DACH1: variants seen among roughly 807,000 people sequenced by gnomAD.
The protein encoded by DACH1 is dachshund homolog 1.
In DACH1, 12 loss-of-function variants were observed where a neutral mutation model predicts 54.2. The observed-to-expected ratio is 0.22, with a 90% CI of 0.14 to 0.36. The LOEUF is 0.36. Ranked by LOEUF, DACH1 falls within the 10% of genes least tolerant of loss-of-function variation. The probability of loss-of-function intolerance (pLI) is 1.00; values close to 1 mark genes in which losing one functional copy is unlikely to be tolerated. For synonymous variants in DACH1, 386 were observed against 366.2 expected (o/e 1.05, Z -0.62); for missense variants, 805 against 929.8 (o/e 0.87, Z 1.75).
intron 6 of DACH1, among the ~76,000 whole-genome samples, chr13:71,538,317 G>C (rs1882931357): frequency 6.6e-6 from 1 of 151,794 alleles, no homozygotes; most frequent in Admixed American, 6.6e-5. Flanking sequence ...ATACATTAGG[G>C]TAGATAATCC....
chr13:71,832,814 T>C (rs1021438559), intron 1 of DACH1, among the ~76,000 whole-genome samples: 1 of 151,936 alleles, frequency 6.6e-6, no homozygotes, highest in Admixed American at 6.6e-5. Context: ...TCATTTCAAT[T>C]GTATTTAAGT....
intron 6 of DACH1, among the ~76,000 whole-genome samples, chr13:71,552,549 G>T (rs906309875): frequency 6.6e-6 from 1 of 151,490 alleles, no homozygotes; most frequent in Non-Finnish European, 1.5e-5. Context: ...GCATGAGAGA[G>T]CAACACTGTA....
intron 1 of DACH1, among the ~76,000 whole-genome samples, chr13:71,692,339 C>T (rs182878622): frequency 2.6e-5 from 4 of 151,908 alleles, no homozygotes; most frequent in Non-Finnish European, 4.4e-5. Context: ...TAGTTTTATA[C>T]GTCAAATCTT....
At chr13:71,737,027 G>C (rs1772130017) in intron 1 of DACH1, among the ~76,000 whole-genome samples, 1 of 152,106 alleles carries the variant, frequency 6.6e-6, no homozygotes, top group African/African-American at 2.4e-5. Flanking sequence ...GAGGTGGGCG[G>C]ATGACTAGAG....
At chr13:71,639,339 G>A (rs1024481936) in intron 2 of DACH1, among the ~76,000 whole-genome samples, 10 of 152,098 alleles carry the variant, frequency 6.6e-5, no homozygotes, top group Non-Finnish European at 8.8e-5. Context: ...TTTTGAGTGT[G>A]AACTTTTCTC....
intron 3 of DACH1, among the ~76,000 whole-genome samples, chr13:71,587,841 AC>A (rs1873394287): frequency 6.6e-6 from 1 of 152,150 alleles, no homozygotes. Flanking sequence ...TCCCAGATCT[AC>A]AAAAGAATAA....
chr13:71,841,412 T>C (rs1001810885), intron 1 of DACH1, among the ~76,000 whole-genome samples: 5 of 152,160 alleles, frequency 3.3e-5, no homozygotes. Context: ...CTACCTATTT[T>C]CTAATAAGGA....
intron 1 of DACH1, among the ~76,000 whole-genome samples, chr13:71,696,458 GC>G (rs1355412795): frequency 1.3e-5 from 2 of 152,056 alleles, no homozygotes; most frequent in Admixed American, 6.5e-5. Context: ...AAAAGTCCAT[GC>G]TAAATTGCCA....
chr13:71,737,445 A>T (rs1884187288), intron 1 of DACH1, among the ~76,000 whole-genome samples: 1 of 152,224 alleles, frequency 6.6e-6, no homozygotes, highest in Non-Finnish European at 1.5e-5. Flanking sequence ...AAAGCACTAA[A>T]GCCACAGAAC....
intron 3 of DACH1, among the ~76,000 whole-genome samples, chr13:71,583,074 T>C (rs771002000): frequency 7.9e-5 from 12 of 152,188 alleles, no homozygotes; most frequent in Non-Finnish European, 1.5e-4. Context: ...AATATCAATC[T>C]TCATAGGCAA....
chr13:71,557,102 C>A lies in DACH1; in HGVS notation c.1492G>T (p.Val498Leu), dbSNP rs374225059. 6.2e-7 allele frequency: 1 copy of A among 1,612,194 alleles called. No individual in the cohort carries two copies. Among genetic ancestry groups the A allele is most frequent in the South Asian group, 1.1e-5 (1 of 90,920 alleles). Reference protein sequence around the residue: ...NQMLMGLSPNVLPGPKEGDLA... With the variant: ...NQMLMGLSPNLLPGPKEGDLA... ...TCTCCCTCTTTGGGCCCAGGAAGTA[C>A]ATTTGGTGATAAGCCCATCAGCATC... The change falls in exon 6 of 11, where the codon GTA (valine) becomes TTA (leucine). Residue 498 changes from valine to leucine, a missense_variant. By Grantham distance (32) the Val-to-Leu change is conservative (BLOSUM62 1). Around this residue, in one of 3 missense-constraint regions of DACH1, gnomAD observed 472 missense variants for 545.3 expected, o/e 0.87. Coordinates refer to ENST00000613252, the MANE Select transcript of DACH1 (RefSeq NM_080759.6).
rs1884859325 is a variant in DACH1, at chr13:71,750,156, C to T, written c.849-68246G>A. On this transcript the variant is annotated intron_variant, in intron 1 of 10. Transcript: ENST00000613252. ...ATCCTCCTTTCCCCTGCTTCTCCTC[C>T]CCACTCCACTATACCGATGTTTAGA... Among the ~76,000 whole-genome samples the T allele has an allele frequency of 4.6e-5, 7 of 152,180 alleles. No homozygotes were observed. The South Asian group carries it at 1.4e-3, about 31-fold the overall frequency.
At chr13:71,483,335 T>C (rs1194334528) in intron 7 of DACH1, among the ~76,000 whole-genome samples, 2 of 148,030 alleles carry the variant, frequency 1.4e-5, no homozygotes, top group Non-Finnish European at 3.0e-5. Flanking sequence ...CAAAGTCTTC[T>C]CCTAATTAAT....
intron 7 of DACH1, among the ~76,000 whole-genome samples, chr13:71,485,933 G>C (rs1878467385): frequency 6.6e-6 from 1 of 151,148 alleles, no homozygotes; most frequent in East Asian, 2.0e-4. Context: ...AGCTCAAATA[G>C]TTAACAAAAG....
intron 1 of DACH1, among the ~76,000 whole-genome samples, chr13:71,839,170 T>C (rs1888918274): frequency 6.6e-6 from 1 of 152,204 alleles, no homozygotes; most frequent in Non-Finnish European, 1.5e-5. Flanking sequence ...ATGCTTTTTT[T>C]CTTTTAAAAG....
At chr13:71,450,313 A>G (rs1303533310) in intron 10 of DACH1, among the ~76,000 whole-genome samples, 1 of 151,882 alleles carries the variant, frequency 6.6e-6, no homozygotes, top group African/African-American at 2.4e-5. Context: ...CAACTTTTTC[A>G]TTATGATTAT....
At chr13:71,719,143 T>C (rs139886544) in intron 1 of DACH1, among the ~76,000 whole-genome samples, 1 of 152,294 alleles carries the variant, frequency 6.6e-6, no homozygotes, top group East Asian at 1.9e-4. Context: ...CCTGCGAGGA[T>C]TTAATTGATA....
intron 10 of DACH1, among the ~76,000 whole-genome samples, chr13:71,467,627 TGTC>T (rs554426708): frequency 0.012 from 1,805 of 152,144 alleles, 14 homozygotes; most frequent in Non-Finnish European, 0.018. Flanking sequence ...AATAACTGAT[TGTC>T]TAGTTAAATG....
chr13:71,605,261 C>T (rs1037588436), intron 3 of DACH1, among the ~76,000 whole-genome samples: 1 of 151,754 alleles, frequency 6.6e-6, no homozygotes, highest in Admixed American at 6.6e-5. Context: ...AAATATTAAA[C>T]TTACACTACT....
Sources: gnomAD v4.1 joint callset for allele counts (sites outside exome capture counted in the v4.1 genomes callset) on GRCh38, gnomAD v4.1.1 for gene constraint, gnomAD v4.1.1 regional missense constraint, MANE v1.5 for transcripts, NCBI Gene and HGNC (gene_info 2026-07-23, HGNC 2026-07-21) for gene names.